KCNIP1: variants seen among roughly 807,000 people sequenced by gnomAD.
KCNIP1 encodes the protein potassium voltage-gated channel interacting protein 1, also known as A-type potassium channel modulatory protein KCNIP1.
A neutral mutation model predicts 33.0 loss-of-function variants in KCNIP1; 18 were observed. The ratio of observed to expected loss-of-function variants is 0.55; its 90% CI spans 0.38 to 0.81. KCNIP1 has a LOEUF of 0.81. Among genes scored for constraint, KCNIP1 ranks in the 30% least tolerant of loss-of-function variants. The pLI is 0.00. For synonymous variants in KCNIP1, 93 were observed against 98.3 expected, an observed-to-expected ratio of 0.95 and a Z score of 0.32; for missense variants, 238 against 271.6, an observed-to-expected ratio of 0.88 and a Z score of 0.87.
At chr5:170,438,934 C>T (rs1474847906) in intron 1 of KCNIP1, among the ~76,000 whole-genome samples, 1 of 152,164 alleles carries the variant, frequency 6.6e-6, no homozygotes. Context: ...ATACGCCACC[C>T]AGACCCCTCG....
chr5:170,476,877 G>A (rs1352902697), intron 1 of KCNIP1, among the ~76,000 whole-genome samples: 4 of 152,132 alleles, frequency 2.6e-5, no homozygotes, highest in Admixed American at 2.6e-4. Flanking sequence ...AAATTACCAA[G>A]CACAGAGACA....
chr5:170,370,321 A>G (rs1347387409), intron 1 of KCNIP1, among the ~76,000 whole-genome samples: 1 of 152,228 alleles, frequency 6.6e-6, no homozygotes, highest in Non-Finnish European at 1.5e-5. Flanking sequence ...GATTGATGAT[A>G]CAATGCACCC....
upstream of KCNIP1, among the ~76,000 whole-genome samples, chr5:170,502,621 G>T (rs1056682804): frequency 5.3e-5 from 8 of 152,216 alleles, no homozygotes; most frequent in Admixed American, 2.0e-4. Flanking sequence ...AGCAATGTCT[G>T]TGCGGACTTA....
intron 1 of KCNIP1, among the ~76,000 whole-genome samples, chr5:170,518,649 G>C (rs2113297135): frequency 6.6e-6 from 1 of 152,356 alleles, no homozygotes; most frequent in East Asian, 1.9e-4. Context: ...ACTATTGCCA[G>C]CATGAGCAAT....
intron 1 of KCNIP1, among the ~76,000 whole-genome samples, chr5:170,710,463 T>C (rs779116985): frequency 1.3e-5 from 2 of 152,248 alleles, no homozygotes; most frequent in Non-Finnish European, 2.9e-5. Flanking sequence ...TGTGGATCTA[T>C]TACTGTATTC....
intron 1 of KCNIP1, among the ~76,000 whole-genome samples, chr5:170,535,493 C>G (rs1453951458): frequency 6.6e-6 from 1 of 152,092 alleles, no homozygotes; most frequent in African/African-American, 2.4e-5. Context: ...GTGCAGTGAG[C>G]TCCCACTTCT....
chr5:170,684,913 T>C (rs1429571713), intron 1 of KCNIP1, among the ~76,000 whole-genome samples: 2 of 152,124 alleles, frequency 1.3e-5, no homozygotes, highest in Non-Finnish European at 2.9e-5. Flanking sequence ...TGTCTGTTGC[T>C]CACCTTCTTG....
chr5:170,498,860 C>T (rs970650091), intron 1 of KCNIP1, among the ~76,000 whole-genome samples: 3 of 152,160 alleles, frequency 2.0e-5, no homozygotes, highest in African/African-American at 7.2e-5. Context: ...GATGAGGAGG[C>T]TAACGGCCAG....
At chr5:170,440,253 T>G (rs985042962) in intron 1 of KCNIP1, among the ~76,000 whole-genome samples, 5 of 152,208 alleles carry the variant, frequency 3.3e-5, no homozygotes. Flanking sequence ...AATGAATTTT[T>G]GTTTAAGCCG....
chr5:170,390,517 A>AAAAAAAAAAAAAAAAAAAATAT, intron 1 of KCNIP1, among the ~76,000 whole-genome samples: 1 of 74,546 alleles, frequency 1.3e-5, no homozygotes, highest in African/African-American at 6.4e-5. Flanking sequence ...AAAAAAAACA[A>AAAAAAAAAAAAAAAAAAAATAT]ATATATATAT....
intron 1 of KCNIP1, among the ~76,000 whole-genome samples, chr5:170,604,801 C>A (rs1294950454): frequency 6.6e-6 from 1 of 152,206 alleles, no homozygotes; most frequent in Non-Finnish European, 1.5e-5. Flanking sequence ...GAACTGCACC[C>A]AAGACAGGTT....
intron 1 of KCNIP1, among the ~76,000 whole-genome samples, chr5:170,612,795 TA>T (rs1280726342): frequency 6.6e-6 from 1 of 152,198 alleles, no homozygotes; most frequent in Non-Finnish European, 1.5e-5. Flanking sequence ...TTCTTTCAGA[TA>T]ATGGCCGTGT....
intron 5 of KCNIP1, among the ~76,000 whole-genome samples, chr5:170,727,204 T>G (rs189590391): frequency 6.6e-6 from 1 of 152,312 alleles, no homozygotes; most frequent in East Asian, 1.9e-4. Context: ...CAGACGCAAA[T>G]GAGTTTACAC....
At chr5:170,542,989 T>C (rs914519993) in intron 1 of KCNIP1, among the ~76,000 whole-genome samples, 9 of 152,218 alleles carry the variant, frequency 5.9e-5, no homozygotes, top group Admixed American at 5.9e-4. Flanking sequence ...CAATGTCTGG[T>C]GAGGGCCAGT....
intron 5 of KCNIP1, among the ~76,000 whole-genome samples, chr5:170,724,563 T>A (rs1326336644): frequency 6.6e-6 from 1 of 152,202 alleles, no homozygotes; most frequent in Non-Finnish European, 1.5e-5. Flanking sequence ...TCTTTATTTG[T>A]ACATGGTATA....
intron 1 of KCNIP1, among the ~76,000 whole-genome samples, chr5:170,444,517 T>C (rs757461103): frequency 1.1e-4 from 16 of 152,098 alleles, no homozygotes; most frequent in Middle Eastern, 3.2e-3. Context: ...CCCTCTGCCA[T>C]GCAAGGTAAC....
chr5:170,664,904 T>C (rs778804460), intron 1 of KCNIP1, among the ~76,000 whole-genome samples: 2 of 152,116 alleles, frequency 1.3e-5, no homozygotes, highest in Admixed American at 6.5e-5. Context: ...AGTAGGTCCA[T>C]GGTAAAATTT....
At chr5:170,698,770 A>G (rs1762986267) in intron 1 of KCNIP1, among the ~76,000 whole-genome samples, 1 of 152,078 alleles carries the variant, frequency 6.6e-6, no homozygotes, top group Admixed American at 6.6e-5. Flanking sequence ...TTTAATCTTT[A>G]TTGAGTATAT....
At chr5:170,356,128 G>T (rs1399886593) in intron 1 of KCNIP1, among the ~76,000 whole-genome samples, 1 of 152,208 alleles carries the variant, frequency 6.6e-6, no homozygotes, top group Non-Finnish European at 1.5e-5. Context: ...GCTTTCTAAT[G>T]TTTACACCTC....
Sources: allele counts gnomAD v4.1 joint callset (sites outside exome capture counted in the v4.1 genomes callset), GRCh38; gene constraint gnomAD v4.1.1; transcripts MANE v1.5; gene names NCBI Gene and HGNC (gene_info 2026-07-23, HGNC 2026-07-21).